NBAS: variants seen among roughly 807,000 people sequenced by gnomAD.
The protein encoded by NBAS is NBAS subunit of NRZ tethering complex.
In NBAS, 219 loss-of-function variants were observed where a neutral mutation model predicts 302.5. The observed-to-expected ratio is 0.72, with a 90% CI of 0.65 to 0.81. The LOEUF (loss-of-function observed/expected upper bound fraction) is 0.81, where lower values mean the gene tolerates loss of function less well. Ranked by LOEUF, NBAS falls within the 30% of genes least tolerant of loss-of-function variation. The pLI, the probability that NBAS is intolerant of heterozygous loss-of-function variation, is 0.00. For synonymous variants in NBAS, 1,118 were observed against 1,021.6 expected (o/e 1.09, Z -1.80); for missense variants, 2,932 against 2,841.6 (o/e 1.03, Z -0.72).
chr2:15,328,085 C>T (rs1572663976), intron 37 of NBAS, 114 bp downstream of exon 37: 1 of 1,217,138 alleles, frequency 8.2e-7, no homozygotes, highest in East Asian at 2.4e-5. Flanking sequence ...CAATGAATAA[C>T]ATGAGTAAGA....
the NBAS span, among the ~76,000 whole-genome samples, chr2:14,849,678 G>A: frequency 1.8e-4 from 25 of 138,824 alleles, no homozygotes; most frequent in African/African-American, 7.2e-4. Context: ...GGCAGCCAGA[G>A]AGAAAGGTCG....
the NBAS span, among the ~76,000 whole-genome samples, chr2:15,140,877 G>C: frequency 6.6e-6 from 1 of 152,240 alleles, no homozygotes; most frequent in African/African-American, 2.4e-5. Flanking sequence ...TCATAATAAG[G>C]TTGAACATAC....
In NBAS at chr2:15,460,989, A is replaced by T. The variant is rs1473815052; in HGVS notation, c.2339+212T>A. 3.3e-5 allele frequency among the ~76,000 whole-genome samples: 5 copies of T among 152,366 alleles called. No individual in the cohort carries two copies. In the East Asian group the frequency reaches 7.7e-4, roughly 23 times the overall value. ...GTAAAATCAGGAGGCTTTCAAAAAA[A>T]GGAAAAATTTGTGCTCATTAAGTTA... On this transcript the variant is annotated intron_variant, in intron 21 of 51. Transcript: ENST00000281513.
the NBAS span, among the ~76,000 whole-genome samples, chr2:15,111,054 T>C: frequency 6.6e-6 from 1 of 152,088 alleles, no homozygotes; most frequent in Non-Finnish European, 1.5e-5. Context: ...GGATAATAAA[T>C]ACTGACTTTG....
chr2:15,064,873 A>C, the NBAS span, among the ~76,000 whole-genome samples: 1 of 152,172 alleles, frequency 6.6e-6, no homozygotes, highest in Admixed American at 6.6e-5. Context: ...ACTCAACAGC[A>C]CATTAAAAGG....
chr2:15,319,744 G>A (rs1412029933), intron 38 of NBAS, among the ~76,000 whole-genome samples: 1 of 152,118 alleles, frequency 6.6e-6, no homozygotes, highest in Non-Finnish European at 1.5e-5. Context: ...TGAAATTGAG[G>A]CAATAATTAA....
chr2:15,193,146 T>C (rs1665442255), intron 48 of NBAS, among the ~76,000 whole-genome samples: 1 of 152,192 alleles, frequency 6.6e-6, no homozygotes, highest in South Asian at 2.1e-4. Flanking sequence ...TGTAGTCTTT[T>C]TAAGAGTATG....
chr2:15,108,641 A>T, the NBAS span, among the ~76,000 whole-genome samples: 1 of 152,154 alleles, frequency 6.6e-6, no homozygotes, highest in Non-Finnish European at 1.5e-5. Context: ...CATAACAAAG[A>T]TATCACTACT....
chr2:15,083,174 C>T, the NBAS span, among the ~76,000 whole-genome samples: 2 of 152,178 alleles, frequency 1.3e-5, no homozygotes, highest in Non-Finnish European at 2.9e-5. Flanking sequence ...CCTCTCCCAC[C>T]CCTGGGTACC....
chr2:15,467,405 A>C lies in NBAS; in HGVS notation c.2021T>G (p.Leu674Trp), dbSNP rs201338339. The change falls in exon 19 of 52, where the codon TTG becomes TGG. Residue 674 changes from leucine to tryptophan, a missense_variant and splice_region_variant. Coordinates refer to ENST00000281513, the MANE Select transcript of NBAS (RefSeq NM_015909.4). ...ELLKLVNFSK[L>W]TLEQKELCRC... ...GCAAAGTTCCTTTTGTTCCAGTGTC[A>C]ACCTGTTTTGAATAACTATGTTAGG... 6.2e-7 allele frequency: 1 copy of C among 1,612,260 alleles called. No individual in the cohort carries two copies. The highest frequency in any genetic ancestry group is 8.5e-7 in the Non-Finnish European group (1 of 1,178,476).
At chr2:14,961,546 C>T in the NBAS span, among the ~76,000 whole-genome samples, 13 of 152,150 alleles carry the variant, frequency 8.5e-5, no homozygotes, top group African/African-American at 2.2e-4. Context: ...GATGCCAATG[C>T]CATGCTTCTT....
intron 49 of NBAS, among the ~76,000 whole-genome samples, chr2:15,188,876 C>T (rs1371001636): frequency 6.6e-6 from 1 of 152,152 alleles, no homozygotes; most frequent in African/African-American, 2.4e-5. Context: ...CAATTCAACT[C>T]TAATAATTAA....
the NBAS span, among the ~76,000 whole-genome samples, chr2:15,128,367 T>A: frequency 1.3e-5 from 2 of 152,184 alleles, no homozygotes; most frequent in African/African-American, 2.4e-5. Flanking sequence ...TTCCAAGATC[T>A]GACAAATTCT....
rs35998279 is a variant in NBAS, at chr2:15,551,340, T to TAA, written c.379+151_379+152dup. Among the ~76,000 whole-genome samples, 689 of 143,180 alleles carry TAA rather than the reference T, an allele frequency of 4.8e-3. 7 individuals carry two copies. Among genetic ancestry groups the TAA allele is most frequent in the African/African-American group, 0.011 (435 of 38,870 alleles). The allele number at this position is 143,180 out of a possible 152,430, so 93.9% of individuals were successfully genotyped here. The stretch of plus-strand genomic sequence containing the variant: ...TTTTAAAGCAAAATATTTAAGACAG[T>TAA]AAAAAAAAAAAAAAGCAGTTTTTAA... On this transcript the variant is annotated intron_variant, in intron 6 of 51. Transcript: ENST00000281513.
At chr2:14,784,893 T>C in the NBAS span, among the ~76,000 whole-genome samples, 2 of 152,242 alleles carry the variant, frequency 1.3e-5, no homozygotes, top group African/African-American at 4.8e-5. Flanking sequence ...GCATTGAATC[T>C]ATAAATTACC....
chr2:15,186,673 T>C (rs779284606), intron 50 of NBAS, 69 bp downstream of exon 50: 118 of 1,606,728 alleles, frequency 7.3e-5, no homozygotes, highest in Non-Finnish European at 9.5e-5. Context: ...GTCTCTGGGA[T>C]TGCTTACAAT....
intron 47 of NBAS, among the ~76,000 whole-genome samples, chr2:15,226,274 T>C (rs1667148590): frequency 6.6e-6 from 1 of 152,222 alleles, no homozygotes; most frequent in Non-Finnish European, 1.5e-5. Flanking sequence ...AGGAATTAGA[T>C]GTTCATTAGG....
the NBAS span, among the ~76,000 whole-genome samples, chr2:15,104,246 G>T: frequency 6.6e-6 from 1 of 152,066 alleles, no homozygotes; most frequent in Non-Finnish European, 1.5e-5. Context: ...TGATTGTGAG[G>T]TCTCCCCAGC....
At position 15,553,553 on chromosome 2, in the gene NBAS, A is replaced by G. The variant is rs1573008329; in HGVS notation, c.288-80T>C. 3.9e-6 allele frequency: 5 copies of G among 1,275,662 alleles called. No homozygotes were observed. In the East Asian group the frequency reaches 7.0e-5, roughly 18 times the overall value. 79.0% of individuals were successfully genotyped at this position (1,275,662 alleles called of 1,614,324 possible). A position where few individuals can be genotyped will look rare whatever the true frequency, so the allele number is the denominator to read the frequency against. On this transcript the variant is annotated intron_variant, in intron 4 of 51. Transcript: ENST00000281513. ...TTTTCAGCACAGATGGAATTATTTA[A>G]TAAGTTAAAAATCATTTTTAAATTT...
Sources: gnomAD v4.1 joint callset for allele counts (sites outside exome capture counted in the v4.1 genomes callset) on GRCh38, gnomAD v4.1.1 for gene constraint, MANE v1.5 for transcripts, NCBI Gene and HGNC (gene_info 2026-07-23, HGNC 2026-07-21) for gene names.